The following MAST4 variants were observed in gnomAD, a reference collection of about 807,000 sequenced individuals.
MAST4 encodes the protein microtubule-associated serine/threonine-protein kinase 4.
MAST4 carries 89 observed loss-of-function variants against 162.7 expected under a neutral mutation model. That is an observed-to-expected ratio of 0.55 (90% CI 0.46 to 0.65). The LOEUF is 0.65. MAST4 is among the 30% of genes least tolerant of loss of function. The pLI is 0.00. For synonymous variants in MAST4, 1,479 were observed against 1,361.1 expected (o/e 1.09, Z -1.91); for missense variants, 3,153 against 3,374.0 (o/e 0.93, Z 1.62).
At chr5:66,712,852 A>G (rs756432463) in intron 1 of MAST4, among the ~76,000 whole-genome samples, 35 of 152,216 alleles carry the variant, frequency 2.3e-4, no homozygotes, top group Admixed American at 5.9e-4. Context: ...ATTTGCTCCT[A>G]TTTGGTTTTG....
intron 26 of MAST4, among the ~76,000 whole-genome samples, chr5:67,156,092 A>T (rs1772483471): frequency 6.6e-6 from 1 of 151,840 alleles, no homozygotes; most frequent in African/African-American, 2.4e-5. Context: ...ACGTAAGGAT[A>T]ATAGTTAATG....
At chr5:66,660,618 A>G (rs1339736114) in intron 1 of MAST4, among the ~76,000 whole-genome samples, 3 of 152,228 alleles carry the variant, frequency 2.0e-5, no homozygotes. Flanking sequence ...TGGTAAATAC[A>G]GTAAAGCTGG....
At chr5:66,996,282 A>C (rs975214757) in intron 4 of MAST4, among the ~76,000 whole-genome samples, 2 of 149,236 alleles carry the variant, frequency 1.3e-5, no homozygotes, top group African/African-American at 2.4e-5. Flanking sequence ...TCCATCTCAA[A>C]AAAATATATA....
At chr5:67,001,223 G>A (rs1481148336) in intron 4 of MAST4, among the ~76,000 whole-genome samples, 2 of 152,154 alleles carry the variant, frequency 1.3e-5, no homozygotes, top group African/African-American at 4.8e-5. Flanking sequence ...TAATTCTTGT[G>A]TTTACCGACT....
rs948573641 is a variant in MAST4, at chr5:66,906,746, C to T, written c.674+6764C>T. Among the ~76,000 whole-genome samples the T allele has an allele frequency of 3.3e-5, 5 of 152,108 alleles. No homozygotes were observed. The East Asian group carries it at 9.6e-4, about 29-fold the overall frequency. On this transcript the variant is annotated intron_variant, in intron 4 of 28. Transcript: ENST00000403625. ...GAAACAAGGCTAGCAGAAAGTTGAG[C>T]AGGTATTGAGAACCATTTTACCATA...
chr5:66,941,209 C>A (rs1293590768), intron 4 of MAST4, among the ~76,000 whole-genome samples: 1 of 152,066 alleles, frequency 6.6e-6, no homozygotes, highest in African/African-American at 2.4e-5. Context: ...TTAAAGTCAC[C>A]AGTTGCATTA....
chr5:66,880,449 G>GT (rs902296285), intron 3 of MAST4, among the ~76,000 whole-genome samples: 18 of 152,018 alleles, frequency 1.2e-4, no homozygotes, highest in African/African-American at 3.9e-4. Flanking sequence ...AAAAAAGTGG[G>GT]TTTTTTTAAA....
At position 67,115,321 on chromosome 5, in the gene MAST4, G is replaced by GTT. The variant is rs1032295653; in HGVS notation, c.1591+1104_1591+1105dup. Among the ~76,000 whole-genome samples, 43 of 152,292 alleles carry GTT rather than the reference G, an allele frequency of 2.8e-4. 1 individual carries two copies. The highest frequency in any genetic ancestry group is 1.2e-3 in the South Asian group (6 of 4,826). The stretch of plus-strand genomic sequence containing the variant: ...TCATTAAATTGTATTTGCAAACAGT[G>GTT]TTTATCTTGTTAAATTGTTTGTAAT... On this transcript the variant is annotated intron_variant, in intron 12 of 28. Coordinates refer to ENST00000403625, the MANE Select transcript of MAST4 (RefSeq NM_001164664.2).
chr5:66,652,602 A>G (rs753417309), intron 1 of MAST4, among the ~76,000 whole-genome samples: 31 of 152,200 alleles, frequency 2.0e-4, no homozygotes, highest in Admixed American at 4.6e-4. Flanking sequence ...CATGTTGCCT[A>G]AGAAATAGAA....
chr5:66,952,318 A>G (rs531623683), intron 4 of MAST4, among the ~76,000 whole-genome samples: 1 of 152,148 alleles, frequency 6.6e-6, no homozygotes, highest in Admixed American at 6.5e-5. Flanking sequence ...GCCCACAGTG[A>G]ACACTTAAGA....
chr5:66,747,521 T>A (rs748095797), intron 1 of MAST4, among the ~76,000 whole-genome samples: 3 of 152,186 alleles, frequency 2.0e-5, no homozygotes, highest in African/African-American at 4.8e-5. Flanking sequence ...ATAGTTTGGG[T>A]AAATTGATGT....
At chr5:66,851,564 T>A (rs1305784713) in intron 3 of MAST4, among the ~76,000 whole-genome samples, 2 of 152,248 alleles carry the variant, frequency 1.3e-5, no homozygotes, top group African/African-American at 4.8e-5. Flanking sequence ...TGTTGCAGCT[T>A]GCTGTCCCTT....
chr5:66,982,066 T>G (rs1315404064), intron 4 of MAST4, among the ~76,000 whole-genome samples: 4 of 152,304 alleles, frequency 2.6e-5, no homozygotes, highest in Middle Eastern at 3.4e-3. Context: ...TATTCTTATT[T>G]TAAAGATGAG....
intron 1 of MAST4, among the ~76,000 whole-genome samples, chr5:66,754,727 C>T (rs1365348365): frequency 6.6e-6 from 1 of 152,032 alleles, no homozygotes; most frequent in Non-Finnish European, 1.5e-5. Flanking sequence ...GAGCAAGAAA[C>T]AAGTACCAAA....
At chr5:66,691,464 A>G (rs993856211) in intron 1 of MAST4, among the ~76,000 whole-genome samples, 1 of 152,246 alleles carries the variant, frequency 6.6e-6, no homozygotes, top group Non-Finnish European at 1.5e-5. Flanking sequence ...TAAAACGGCT[A>G]CATAAAAAAT....
intron 1 of MAST4, among the ~76,000 whole-genome samples, chr5:66,706,790 A>G (rs1396252881): frequency 6.6e-6 from 1 of 152,184 alleles, no homozygotes; most frequent in Non-Finnish European, 1.5e-5. Flanking sequence ...CAGTTGATAC[A>G]TAACTGTTGC....
chr5:66,837,888 ATATATATTTTT>A lies in MAST4; in HGVS notation c.642+49096_642+49106del, dbSNP rs1292837276. ...TTTATATATATATATATATATATAT[ATATATATTTTT>A]TTTTTTTTTTTTTTTTTTAATGTGG... On this transcript the variant is annotated intron_variant, in intron 3 of 28. Transcript: ENST00000403625. Among the ~76,000 whole-genome samples, 106 of 34,898 alleles carry A rather than the reference ATATATATTTTT, an allele frequency of 3.0e-3. No individual in the cohort carries two copies. The Middle Eastern group carries it at 0.035, about 11-fold the overall frequency. 22.9% of individuals were successfully genotyped at this position (34,898 alleles called of 152,430 possible).
At position 67,115,426 on chromosome 5, in the gene MAST4, G is replaced by A. The variant is rs115323507; in HGVS notation, c.1591+1207G>A. Among the ~76,000 whole-genome samples, 321 of 152,306 alleles carry A rather than the reference G, an allele frequency of 2.1e-3. 4 individuals are homozygous for A. The highest frequency in any genetic ancestry group is 7.2e-3 in the African/African-American group (301 of 41,570). The stretch of plus-strand genomic sequence containing the variant: ...TCTCTGCCCTGCTCTCCTGTTTCCC[G>A]GCTTTGTTTGCTCCTATGGCCATCG... On this transcript the variant is annotated intron_variant, in intron 12 of 28. Transcript: ENST00000403625.
chr5:66,780,009 T>C (rs1754781654), intron 2 of MAST4, among the ~76,000 whole-genome samples: 1 of 152,176 alleles, frequency 6.6e-6, no homozygotes, highest in Non-Finnish European at 1.5e-5. Flanking sequence ...TTTTTTCTTC[T>C]ATAAGGTACA....
Sources: allele counts gnomAD v4.1 joint callset (sites outside exome capture counted in the v4.1 genomes callset), GRCh38; gene constraint gnomAD v4.1.1; transcripts MANE v1.5; gene names NCBI Gene and HGNC (gene_info 2026-07-23, HGNC 2026-07-21).